The following STK11 variants were observed in gnomAD, a reference collection of about 807,000 sequenced individuals.
The protein encoded by STK11 is serine/threonine-protein kinase STK11.
STK11 carries 8 observed loss-of-function variants against 47.3 expected under a neutral mutation model. That is an observed-to-expected ratio of 0.17 (90% CI 0.10 to 0.31). STK11 has a LOEUF of 0.31. STK11 is among the 10% of genes least tolerant of loss of function. The pLI is 1.00. For synonymous variants in STK11, 330 were observed against 255.8 expected, an observed-to-expected ratio of 1.29 and a Z score of -2.77; for missense variants, 475 against 605.0, an observed-to-expected ratio of 0.79 and a Z score of 2.25.
At chr19:1,210,720 AGT>A (rs769889992) in intron 1 of STK11, among the ~76,000 whole-genome samples, 6 of 151,736 alleles carry the variant, frequency 4.0e-5, no homozygotes, top group Admixed American at 1.3e-4. Flanking sequence ...AAATTAGCTG[AGT>A]GTGGTGGCGC....
At chr19:1,224,456 C>T in intron 8 of STK11, 1 of 985,430 alleles carries the variant, frequency 1.0e-6, no homozygotes, top group African/African-American at 1.7e-5. Context: ...GGCCCAGGGT[C>T]TTCTGCCTTT....
intron 1 of STK11, among the ~76,000 whole-genome samples, chr19:1,214,036 G>C (rs1268999598): frequency 1.3e-5 from 2 of 152,226 alleles, no homozygotes; most frequent in African/African-American, 4.8e-5. Flanking sequence ...AGTCCATGCT[G>C]CCTGGGCAAG....
chr19:1,210,385 G>A (rs181578411), intron 1 of STK11, among the ~76,000 whole-genome samples: 233 of 152,302 alleles, frequency 1.5e-3, no homozygotes, highest in Non-Finnish European at 2.8e-3. Context: ...TCAGGCGTCC[G>A]GTCCTCCAGT....
Position 1,227,646 on chromosome 19 carries a change from C to G in STK11, c.*70C>G, listed in dbSNP as rs1029333558. ...CGCGCCAGGCCCTCAGTCTTCCTGC[C>G]GGTTCCGCCCGCCCTCCCGGAGAGG... On this transcript the variant is annotated 3_prime_UTR_variant, in exon 10 of 10. Coordinates refer to ENST00000326873, the MANE Select transcript of STK11 (RefSeq NM_000455.5). 1.1e-5 allele frequency: 12 copies of G among 1,067,568 alleles called. No individual in the cohort carries two copies. Among genetic ancestry groups the G allele is most frequent in the African/African-American group, 1.6e-5 (1 of 61,090 alleles). 66.1% of individuals were successfully genotyped at this position (1,067,568 alleles called of 1,614,324 possible).
At chr19:1,222,188 G>A (rs530601209) in intron 7 of STK11, among the ~76,000 whole-genome samples, 182 bp downstream of exon 7, 53 of 152,338 alleles carry the variant, frequency 3.5e-4, no homozygotes, top group African/African-American at 1.2e-3. Context: ...TCCTGTTACC[G>A]GCCAGACCCA....
rs187279743 is a variant in STK11 at position 1,211,169 on chromosome 19, G to A, written c.290+3966G>A. Among the ~76,000 whole-genome samples, 337 of 152,362 alleles carry A rather than the reference G, an allele frequency of 2.2e-3. 2 individuals are homozygous for A. The highest frequency in any genetic ancestry group is 7.9e-3 in the African/African-American group (329 of 41,590). On this transcript the variant is annotated intron_variant, in intron 1 of 9. Coordinates refer to ENST00000326873, the MANE Select transcript of STK11 (RefSeq NM_000455.5). ...GCGCGCCTGTAGTCCAGCTACTGGG[G>A]AAGCTGAAGCAAGGAGAATCGCTTG...
chr19:1,205,789 G>C lies in STK11; in HGVS notation c.-1125G>C, dbSNP rs2080659482. Reference sequence around the variant, plus strand: ...CAGGGAGGGGGAGGGAGGTAAACAAGATGGCGGCGGCGTGTCGGGCGCGGA... The same window carrying C: ...CAGGGAGGGGGAGGGAGGTAAACAACATGGCGGCGGCGTGTCGGGCGCGGA... On this transcript the variant is annotated 5_prime_UTR_variant, in exon 1 of 10. Coordinates refer to ENST00000326873, the MANE Select transcript of STK11 (RefSeq NM_000455.5). The C allele has an allele frequency of 5.0e-6, 1 of 201,958 alleles. No individual in the cohort carries two copies. The highest frequency in any genetic ancestry group is 7.4e-5 in the East Asian group (1 of 13,550). The allele number at this position is 201,958 out of a possible 1,614,324, so 12.5% of individuals were successfully genotyped here. A position where few individuals can be genotyped will look rare whatever the true frequency, so the allele number is the denominator to read the frequency against.
At chr19:1,218,592 T>C in intron 2 of STK11, 92 bp downstream of exon 2, 2 of 1,120,520 alleles carry the variant, frequency 1.8e-6, no homozygotes, top group Non-Finnish European at 2.7e-6. Context: ...TCTTCCCGTC[T>C]CCTTGAAGGA....
At chr19:1,218,369 C>T (rs2145420282) in intron 1 of STK11, 48 bp from the exon 2 acceptor site, 1 of 1,510,562 alleles carries the variant, frequency 6.6e-7, no homozygotes, top group East Asian at 2.3e-5. Context: ...TCCAGGCCAT[C>T]ATCCTGACGT....
At chr19:1,213,617 C>T (rs970691042) in intron 1 of STK11, among the ~76,000 whole-genome samples, 29 of 152,244 alleles carry the variant, frequency 1.9e-4, no homozygotes, top group Admixed American at 5.9e-4. Context: ...CTGCTGTTCA[C>T]GGCTGCGTCA....
At position 1,227,726 on chromosome 19, in the gene STK11, G is replaced by A. The variant is rs1171638457; in HGVS notation, c.*150G>A. ...CCCAGGACCTCCGGAGCGCCCTGCAGGGCCGGGCAGGGGGACAGCAGGGAC... is the reference window on the plus strand; with the variant it reads ...CCCAGGACCTCCGGAGCGCCCTGCAAGGCCGGGCAGGGGGACAGCAGGGAC... On this transcript the variant is annotated 3_prime_UTR_variant, in exon 10 of 10. Coordinates refer to ENST00000326873, the MANE Select transcript of STK11 (RefSeq NM_000455.5). The A allele has an allele frequency of 1.9e-6, 2 of 1,071,330 alleles. No homozygotes were observed. The highest frequency in any genetic ancestry group is 3.3e-5 in the African/African-American group (2 of 61,114). 66.4% of individuals were successfully genotyped at this position (1,071,330 alleles called of 1,614,324 possible).
At chr19:1,211,366 G>C (rs2080708922) in intron 1 of STK11, among the ~76,000 whole-genome samples, 1 of 152,100 alleles carries the variant, frequency 6.6e-6, no homozygotes, top group Non-Finnish European at 1.5e-5. Flanking sequence ...GAGCAGGGAA[G>C]GGCTGGAAAG....
Position 1,220,731 on chromosome 19 carries a change from C to A in STK11, c.734+14C>A, listed in dbSNP as rs763346212. 2 of 1,601,808 alleles carry A rather than the reference C, an allele frequency of 1.2e-6. No homozygotes were observed. The highest frequency in any genetic ancestry group is 1.3e-5 in the African/African-American group (1 of 74,814). On this transcript the variant is annotated intron_variant, in intron 5 of 9. Transcript: ENST00000326873. ...TGGGGTCACCCTGTAAGTGCCCCGC[C>A]CCCCCGGGCACTCACCACACGCACA...
rs529638447 is a variant in STK11, at chr19:1,228,310, C to G, written c.*734C>G. 3.8e-6 allele frequency: 1 copy of G among 265,390 alleles called. No individual in the cohort carries two copies. Among genetic ancestry groups the G allele is most frequent in the Non-Finnish European group, 6.8e-6 (1 of 147,718 alleles). The allele number at this position is 265,390 out of a possible 1,614,324, so 16.4% of individuals were successfully genotyped here. ...AGTGTGCGGTCAATATTTATATCAT[C>G]CAGAAAAGAAAAACACGAGAAACGC... On this transcript the variant is annotated 3_prime_UTR_variant, in exon 10 of 10. Transcript: ENST00000326873.
At chr19:1,218,606 T>G in intron 2 of STK11, 106 bp downstream of exon 2, 2 of 1,004,902 alleles carry the variant, frequency 2.0e-6, no homozygotes, top group Non-Finnish European at 3.1e-6. Flanking sequence ...TGAAGGAGAC[T>G]GGCACACGAG....
At chr19:1,226,745 G>A in intron 9 of STK11, 82 bp downstream of exon 9, 1 of 1,399,776 alleles carries the variant, frequency 7.1e-7, no homozygotes, top group Non-Finnish European at 9.3e-7. Flanking sequence ...GCCCGCGCTA[G>A]TCAGTCATGG....
rs1027644340 is a variant in STK11 at position 1,228,141 on chromosome 19, G to A, written c.*565G>A. On this transcript the variant is annotated 3_prime_UTR_variant, in exon 10 of 10. Transcript: ENST00000326873. ...TTGGGAGCTGCTGGGTGGCAGGGGG[G>A]CTGTGGGGTCGGGCTCACGTCGCGG... 2.0e-4 allele frequency: 216 copies of A among 1,064,994 alleles called. No individual in the cohort carries two copies. Among genetic ancestry groups the A allele is most frequent in the Admixed American group, 3.7e-4 (7 of 18,736 alleles). 66.0% of individuals were successfully genotyped at this position (1,064,994 alleles called of 1,614,324 possible). A position where few individuals can be genotyped will look rare whatever the true frequency, so the allele number is the denominator to read the frequency against.
chr19:1,223,227 C>T (rs1001292384), intron 8 of STK11, 55 bp downstream of exon 8: 75 of 1,564,190 alleles, frequency 4.8e-5, no homozygotes, highest in Non-Finnish European at 5.9e-5. Flanking sequence ...GGATGTCCCA[C>T]GGGAGCAGGG....
At chr19:1,222,033 C>CCGAGG (rs1472175136) in intron 7 of STK11, 27 bp downstream of exon 7, 1 of 1,557,966 alleles carries the variant, frequency 6.4e-7, no homozygotes, top group Non-Finnish European at 8.7e-7. Context: ...GGCAGTGGGG[C>CCGAGG]CGAGGCTGCA....
Sources: allele counts gnomAD v4.1 joint callset (sites outside exome capture counted in the v4.1 genomes callset), GRCh38; gene constraint gnomAD v4.1.1; transcripts MANE v1.5; gene names NCBI Gene and HGNC (gene_info 2026-07-23, HGNC 2026-07-21).